TMEM94: variants seen among roughly 807,000 people sequenced by gnomAD.
The protein encoded by TMEM94 is ER Mg2+ ATPase.
Under a neutral mutation model 158.6 loss-of-function variants are expected in TMEM94, and 81 were observed. The ratio of observed to expected loss-of-function variants is 0.51; its 90% CI spans 0.43 to 0.61. The LOEUF (loss-of-function observed/expected upper bound fraction) is 0.61, where lower values mean the gene tolerates loss of function less well. Among genes scored for constraint, TMEM94 ranks in the 20% least tolerant of loss-of-function variants. The pLI is 0.00. For synonymous variants in TMEM94, 751 were observed against 730.7 expected, an observed-to-expected ratio of 1.03 and a Z score of -0.45; for missense variants, 1,435 against 1,762.0, an observed-to-expected ratio of 0.81 and a Z score of 3.32.
Position 75,486,369 on chromosome 17 carries a change from C to A in TMEM94, c.352C>A (p.Arg118=). 6.2e-7 allele frequency: 1 copy of A among 1,614,206 alleles called. No individual in the cohort carries two copies. Among genetic ancestry groups the A allele is most frequent in the Non-Finnish European group, 8.5e-7 (1 of 1,180,032 alleles). ...LNLVLIGRQD[R]LKRREVERRL... ...CCTTGTGCTCATCGGGCGGCAAGAC[C>A]GGCTGAAGCGTCGGGAGGTAGAGCG... is the stretch of plus-strand genomic sequence containing the variant. The change falls in exon 5 of 32, where the codon CGG becomes AGG. Residue 118 remains arginine, a synonymous_variant. Transcript: ENST00000314256.
chr17:75,464,676 C>CTTCCTTCTTTCT (rs1383092291), intron 1 of TMEM94, among the ~76,000 whole-genome samples: 2 of 59,950 alleles, frequency 3.3e-5, no homozygotes, highest in East Asian at 6.4e-4. Context: ...TCCTTCCTTC[C>CTTCCTTCTTTCT]TTCTTTCTTT....
At position 75,489,623 on chromosome 17, in the gene TMEM94, G is replaced by C. The variant is rs748848086; in HGVS notation, c.915G>C (p.Pro305=). The C allele has an allele frequency of 6.2e-7, 1 of 1,613,712 alleles. No homozygotes were observed. Among genetic ancestry groups the C allele is most frequent in the Non-Finnish European group, 8.5e-7 (1 of 1,179,898 alleles). The part of the protein sequence containing the change: ...TNALRFIFSA[P]GVTSWQYTLL... ...CCCTGCGCTTCATCTTCAGTGCCCC[G>C]GGGGTCACTTCCTGGCAGTACACCC... The change falls in exon 9 of 32, where the codon CCG becomes CCC. Residue 305 remains proline (P), a synonymous_variant. Transcript: ENST00000314256. This position sits in a 1 kb window ranked among gnomAD's most constrained non-coding sequence, Gnocchi z 5.0.
chr17:75,497,262 G>A, intron 26 of TMEM94, 64 bp downstream of exon 26: 1 of 1,389,374 alleles, frequency 7.2e-7, no homozygotes, highest in Non-Finnish European at 1.0e-6. Flanking sequence ...ATGTCACTGT[G>A]CAGCCCCAGG....
intron 1 of TMEM94, among the ~76,000 whole-genome samples, chr17:75,461,750 C>G (rs1281170451): frequency 6.6e-6 from 1 of 151,158 alleles, no homozygotes; most frequent in African/African-American, 2.4e-5. Flanking sequence ...GGTGAAACCC[C>G]GTCTCTACTA....
intron 26 of TMEM94, among the ~76,000 whole-genome samples, chr17:75,497,472 G>A (rs1403952952): frequency 6.9e-6 from 1 of 145,618 alleles, no homozygotes; most frequent in Non-Finnish European, 1.5e-5. Flanking sequence ...TCCTGCCTCA[G>A]CCCCCTGAGT....
At chr17:75,463,027 AAAAAAAAAAAATATATATAT>A (rs2050133559) in intron 1 of TMEM94, among the ~76,000 whole-genome samples, 1 of 11,400 alleles carries the variant, frequency 8.8e-5, no homozygotes, top group Admixed American at 7.8e-4. Flanking sequence ...AAAAAAAAAA[AAAAAAAAAAAATATATATAT>A]ATATATATAT....
chr17:75,495,193 G>T lies in TMEM94; in HGVS notation c.2729-91G>T. 1 of 1,404,048 alleles carries T rather than the reference G, an allele frequency of 7.1e-7. No individual in the cohort carries two copies. Among genetic ancestry groups the T allele is most frequent in the Non-Finnish European group, 9.7e-7 (1 of 1,028,286 alleles). The allele number at this position is 1,404,048 out of a possible 1,614,324, so 87.0% of individuals were successfully genotyped here. On this transcript the variant is annotated intron_variant, in intron 20 of 31. Transcript: ENST00000314256. This position sits in a 1 kb window ranked among gnomAD's most constrained non-coding sequence, Gnocchi z 5.6. ...GCGGGAAACAGTAGTCAGCAGGAAG[G>T]AGTGGACACAGGCAAAAAATTCTCT...
At chr17:75,476,361 G>A (rs1414304909) in intron 2 of TMEM94, 14 of 471,888 alleles carry the variant, frequency 3.0e-5, no homozygotes, top group African/African-American at 2.6e-4. Context: ...ATCTGGCAGC[G>A]CGTTGGACAA....
chr17:75,476,853 A>G, intron 2 of TMEM94: 1 of 1,473,392 alleles, frequency 6.8e-7, no homozygotes, highest in African/African-American at 1.4e-5. Context: ...AGACAATGCA[A>G]AATGGGAGGC....
At chr17:75,499,203 C>T in intron 31 of TMEM94, 59 bp from the exon 32 acceptor site, 2 of 1,603,936 alleles carry the variant, frequency 1.2e-6, no homozygotes, top group Non-Finnish European at 8.5e-7. Flanking sequence ...TGGTGTCCTG[C>T]CCCGGCCCCT....
chr17:75,495,220 C>T lies in TMEM94; in HGVS notation c.2729-64C>T. 1.4e-6 allele frequency: 2 copies of T among 1,437,848 alleles called. No individual in the cohort carries two copies. The highest frequency in any genetic ancestry group is 1.3e-5 in the South Asian group (1 of 77,416). 89.1% of individuals were successfully genotyped at this position (1,437,848 alleles called of 1,614,324 possible). A position where few individuals can be genotyped will look rare whatever the true frequency, so the allele number is the denominator to read the frequency against. On this transcript the variant is annotated intron_variant, in intron 20 of 31. Transcript: ENST00000314256. The surrounding 1 kb of genome is among the most constrained non-coding windows in gnomAD (Gnocchi z 5.6). Reference sequence around the variant, plus strand: ...GTGGACACAGGCAAAAAATTCTCTGCAGGGCAAGGACAGGTTCCCAGAAGG... The same window carrying T: ...GTGGACACAGGCAAAAAATTCTCTGTAGGGCAAGGACAGGTTCCCAGAAGG...
chr17:75,459,193 T>A (rs2049990394), intron 1 of TMEM94, among the ~76,000 whole-genome samples: 1 of 152,240 alleles, frequency 6.6e-6, no homozygotes, highest in African/African-American at 2.4e-5. Flanking sequence ...CTAACTTCCT[T>A]GCTCACTGGT....
At position 75,492,503 on chromosome 17, in the gene TMEM94, C is replaced by T. The variant is rs780795173; in HGVS notation, c.1626C>T (p.Tyr542=). The change falls in exon 15 of 32, where the codon TAC becomes TAT. Residue 542 remains tyrosine, a synonymous_variant. Coordinates refer to ENST00000314256, the MANE Select transcript of TMEM94 (RefSeq NM_014738.6). This position sits in a 1 kb window ranked among gnomAD's most constrained non-coding sequence, Gnocchi z 4.4. Reference sequence around the variant, plus strand: ...AGCCTGGGATGGAGAGCGACCCCTACGAAGCAGAGGACTTTGTGTGTGACT... The same window carrying T: ...AGCCTGGGATGGAGAGCGACCCCTATGAAGCAGAGGACTTTGTGTGTGACT... ...KTQPGMESDP[Y]EAEDFVCDYH... The T allele has an allele frequency of 2.2e-5, 35 of 1,604,666 alleles. No homozygotes were observed. The highest frequency in any genetic ancestry group is 6.7e-5 in the East Asian group (3 of 44,736).
Position 75,494,608 on chromosome 17 carries a change from CTG to C in TMEM94, c.2408-13_2408-12del, listed in dbSNP as rs756451489. The C allele has an allele frequency of 6.2e-7, 1 of 1,611,804 alleles. No homozygotes were observed. The highest frequency in any genetic ancestry group is 8.5e-7 in the Non-Finnish European group (1 of 1,179,058). On this transcript the variant is annotated splice_polypyrimidine_tract_variant and intron_variant, in intron 18 of 31. Transcript: ENST00000314256. The stretch of plus-strand genomic sequence containing the variant: ...CTGGGTGTCCTGATCGGGCTGTGTC[CTG>C]TGTGTCCTGCCTGAAGAAGGGATCG...
rs1207252337 is a variant in TMEM94, at chr17:75,495,925, TCTGC to T, written c.2945-33_2945-30del. 2 of 1,453,308 alleles carry T rather than the reference TCTGC, an allele frequency of 1.4e-6. No homozygotes were observed. The highest frequency in any genetic ancestry group is 3.5e-5 in the Admixed American group (2 of 57,740). The allele number at this position is 1,453,308 out of a possible 1,614,324, so 90.0% of individuals were successfully genotyped here. ...TCTCTGCCCAGTGCCCACTTGGTGC[TCTGC>T]CTGCCTGACTCTGGTGCCCTTATAC... is the stretch of plus-strand genomic sequence containing the variant. On this transcript the variant is annotated intron_variant, in intron 22 of 31. Coordinates refer to ENST00000314256, the MANE Select transcript of TMEM94 (RefSeq NM_014738.6). The surrounding 1 kb of genome is among the most constrained non-coding windows in gnomAD (Gnocchi z 5.6).
rs1244265826 is a variant in TMEM94 at position 75,496,765 on chromosome 17, C to T, written c.3279C>T (p.Phe1093=). 5.0e-6 allele frequency: 8 copies of T among 1,613,970 alleles called. No homozygotes were observed. Among genetic ancestry groups the T allele is most frequent in the Non-Finnish European group, 6.8e-6 (8 of 1,180,030 alleles). The change falls in exon 25 of 32, where the codon TTC becomes TTT. Residue 1093 remains phenylalanine (F), a synonymous_variant. Coordinates refer to ENST00000314256, the MANE Select transcript of TMEM94 (RefSeq NM_014738.6). The part of the protein sequence containing the change: ...RHATYGIRKC[F]LFLLQCQLTL... The stretch of plus-strand genomic sequence containing the variant: ...CCACCTATGGCATCCGTAAGTGCTT[C>T]CTCTTCCTGCTGCAGTGCCAGCTGA...
chr17:75,490,928 C>G, intron 11 of TMEM94, 121 bp from the exon 12 acceptor site: 1 of 950,602 alleles, frequency 1.1e-6, no homozygotes, highest in Non-Finnish European at 1.6e-6. Flanking sequence ...ACACCCTGTC[C>G]CAGAGAAGTG....
intron 16 of TMEM94, 167 bp downstream of exon 16, chr17:75,493,269 G>A: frequency 2.3e-6 from 2 of 883,620 alleles, no homozygotes; most frequent in Non-Finnish European, 1.7e-6. Flanking sequence ...GGGCTGGGAT[G>A]GTGTTGGCTG....
Position 75,496,103 on chromosome 17 carries a change from C to G in TMEM94, c.3053+29C>G. 1.3e-6 allele frequency: 2 copies of G among 1,563,778 alleles called. 1 individual carries two copies. Among genetic ancestry groups the G allele is most frequent in the East Asian group, 4.6e-5 (2 of 43,234 alleles). On this transcript the variant is annotated intron_variant, in intron 23 of 31. Coordinates refer to ENST00000314256, the MANE Select transcript of TMEM94 (RefSeq NM_014738.6). ...AGGGCGGGACCCTGGAGCCTGCGGG[C>G]CAGCCTCTACCTCCCAGACCGGAGG...
Sources: gnomAD v4.1 joint callset for allele counts (sites outside exome capture counted in the v4.1 genomes callset) on GRCh38, gnomAD v4.1.1 for gene constraint, Gnocchi (gnomAD v3.1) non-coding constraint, MANE v1.5 for transcripts, NCBI Gene and HGNC (gene_info 2026-07-23, HGNC 2026-07-21) for gene names.